Variants in CNTN4 observed in about 807,000 individuals in gnomAD.
The protein encoded by CNTN4 is contactin 4.
Under a neutral mutation model 122.5 loss-of-function variants are expected in CNTN4, and 77 were observed. The ratio of observed to expected loss-of-function variants is 0.63; its 90% CI spans 0.52 to 0.76. CNTN4 has a LOEUF of 0.76. Ranked by LOEUF, CNTN4 falls within the 30% of genes least tolerant of loss-of-function variation. The probability of loss-of-function intolerance (pLI) is 0.00; values close to 1 mark genes in which losing one functional copy is unlikely to be tolerated. For synonymous variants in CNTN4, 512 were observed against 447.0 expected, an observed-to-expected ratio of 1.15 and a Z score of -1.83; for missense variants, 1,256 against 1,259.1, an observed-to-expected ratio of 1.00 and a Z score of 0.04.
rs548571010 is a variant in CNTN4 at position 2,573,056 on chromosome 3, A to G, written c.55+1498A>G. ...ATGACTGAAGCATCAGGAAGTTAAGAAACTCACCCAAATTCACAAAGCCAG... is the reference window on the plus strand; with the variant it reads ...ATGACTGAAGCATCAGGAAGTTAAGGAACTCACCCAAATTCACAAAGCCAG... On this transcript the variant is annotated intron_variant, in intron 4 of 24. Coordinates refer to ENST00000418658, the MANE Select transcript of CNTN4 (RefSeq NM_175607.3). Among the ~76,000 whole-genome samples the G allele has an allele frequency of 1.4e-3, 206 of 152,290 alleles. 1 individual carries two copies. The highest frequency in any genetic ancestry group is 4.6e-3 in the African/African-American group (193 of 41,548).
chr3:2,525,533 G>A (rs1322593411), intron 3 of CNTN4, among the ~76,000 whole-genome samples: 1 of 152,140 alleles, frequency 6.6e-6, no homozygotes, highest in Admixed American at 6.6e-5. Context: ...TACTTAAAAT[G>A]TAGGTTATTG....
chr3:3,003,684 CA>C (rs58290160), intron 14 of CNTN4, among the ~76,000 whole-genome samples: 20,605 of 76,528 alleles, frequency 0.27, 1,287 homozygotes, highest in Non-Finnish European at 0.37. Flanking sequence ...ATGGTTGCAC[CA>C]AAAAAAAAAA....
Position 2,552,280 on chromosome 3 carries a change from G to A in CNTN4, c.-88-19136G>A, listed in dbSNP as rs538832939. On this transcript the variant is annotated intron_variant, in intron 3 of 24. Transcript: ENST00000418658. The stretch of plus-strand genomic sequence containing the variant: ...TAGAAACCGACAGAAAAGCGTTTTA[G>A]GAATGCTGTAGATTAGGGAAAATTC... 7.5e-4 allele frequency among the ~76,000 whole-genome samples: 114 copies of A among 152,258 alleles called. 2 individuals carry two copies. Among genetic ancestry groups the A allele is most frequent in the African/African-American group, 2.5e-3 (105 of 41,558 alleles).
chr3:2,417,380 A>G (rs959962489), intron 3 of CNTN4, among the ~76,000 whole-genome samples: 3 of 152,202 alleles, frequency 2.0e-5, no homozygotes, highest in African/African-American at 7.2e-5. Flanking sequence ...CTGGTTTCAA[A>G]AACAGTAACC....
chr3:2,567,108 C>T (rs192855541), intron 3 of CNTN4, among the ~76,000 whole-genome samples: 1 of 130,918 alleles, frequency 7.6e-6, no homozygotes, highest in Non-Finnish European at 1.6e-5. Context: ...TTTTTTCAGA[C>T]GGAGTCTTGC....
chr3:2,614,423 A>C (rs17565216), intron 4 of CNTN4, among the ~76,000 whole-genome samples: 47,800 of 152,094 alleles, frequency 0.31, 8,245 homozygotes, highest in Middle Eastern at 0.48. Context: ...AAAAGTGACA[A>C]GGTAACATAC....
Position 2,769,813 on chromosome 3 carries a change from G to A in CNTN4, c.358+24116G>A, listed in dbSNP as rs145089570. On this transcript the variant is annotated intron_variant, in intron 6 of 24. Coordinates refer to ENST00000418658, the MANE Select transcript of CNTN4 (RefSeq NM_175607.3). ...GCACAGGCCCTTAGAAATCATCAGC[G>A]GAGCCAAGGGTCTACAACAAGCAGA... 1.7e-4 allele frequency among the ~76,000 whole-genome samples: 26 copies of A among 152,236 alleles called. No homozygotes were observed. In the East Asian group the frequency reaches 3.1e-3, roughly 18 times the overall value.
intron 2 of CNTN4, among the ~76,000 whole-genome samples, chr3:2,162,445 A>C (rs72622126): frequency 0.35 from 52,363 of 151,746 alleles, 9,614 homozygotes; most frequent in Admixed American, 0.45. Context: ...TGAGATCTTT[A>C]TTTCTCCCAG....
At chr3:2,852,678 T>C (rs1416305967) in intron 7 of CNTN4, among the ~76,000 whole-genome samples, 2 of 152,210 alleles carry the variant, frequency 1.3e-5, no homozygotes, top group Admixed American at 1.3e-4. Flanking sequence ...TAACTTTCCA[T>C]GCTCACAAAG....
chr3:2,946,704 C>CTTTTTTTTTTTTTTTTTTTTTTTTTTTTT (rs55883455), intron 13 of CNTN4, among the ~76,000 whole-genome samples: 1 of 119,388 alleles, frequency 8.4e-6, no homozygotes. Flanking sequence ...TTTTTTTTTT[C>CTTTTTTTTTTTTTTTTTTTTTTTTTTTTT]TTTTTTTTTT....
intron 13 of CNTN4, among the ~76,000 whole-genome samples, chr3:2,946,885 T>C (rs2094684833): frequency 6.6e-6 from 1 of 151,942 alleles, no homozygotes; most frequent in African/African-American, 2.4e-5. Context: ...TCTTAACGTT[T>C]TGTAGCAGTG....
At chr3:2,950,500 A>G (rs772217091) in intron 13 of CNTN4, among the ~76,000 whole-genome samples, 1 of 152,218 alleles carries the variant, frequency 6.6e-6, no homozygotes, top group Non-Finnish European at 1.5e-5. Flanking sequence ...GGTCCCTGTC[A>G]TAGTGACATC....
At chr3:2,448,229 C>G (rs763768189) in intron 3 of CNTN4, among the ~76,000 whole-genome samples, 1 of 152,178 alleles carries the variant, frequency 6.6e-6, no homozygotes, top group Non-Finnish European at 1.5e-5. Flanking sequence ...AAAGAGGTCA[C>G]AAGCCTGGGG....
chr3:2,487,522 A>G (rs998013948), intron 3 of CNTN4, among the ~76,000 whole-genome samples: 13 of 152,218 alleles, frequency 8.5e-5, no homozygotes, highest in Non-Finnish European at 1.6e-4. Flanking sequence ...GCCTTCAAAA[A>G]GCCCTAGTCA....
At chr3:2,466,638 A>G (rs2075507380) in intron 3 of CNTN4, among the ~76,000 whole-genome samples, 1 of 152,178 alleles carries the variant, frequency 6.6e-6, no homozygotes, top group East Asian at 1.9e-4. Context: ...ATTGGCTGTC[A>G]TAGCTGTAAC....
intron 3 of CNTN4, among the ~76,000 whole-genome samples, chr3:2,383,958 A>T (rs563255224): frequency 2.0e-5 from 3 of 152,330 alleles, no homozygotes; most frequent in Non-Finnish European, 2.9e-5. Flanking sequence ...GTATGTATAT[A>T]TCACAACCAT....
At chr3:2,658,431 A>G (rs1461461087) in intron 4 of CNTN4, among the ~76,000 whole-genome samples, 1 of 152,180 alleles carries the variant, frequency 6.6e-6, no homozygotes, top group African/African-American at 2.4e-5. Flanking sequence ...CTTACATCAC[A>G]TGACTATGAA....
At chr3:2,247,365 T>G (rs964642185) in intron 2 of CNTN4, among the ~76,000 whole-genome samples, 2 of 152,028 alleles carry the variant, frequency 1.3e-5, no homozygotes, top group Admixed American at 1.3e-4. Context: ...TTGGTTGGTG[T>G]TGTAAGGAGA....
intron 2 of CNTN4, among the ~76,000 whole-genome samples, chr3:2,169,578 T>C (rs1330004227): frequency 6.6e-6 from 1 of 151,958 alleles, no homozygotes; most frequent in Non-Finnish European, 1.5e-5. Context: ...GCTGATTTTT[T>C]TGTAGAGACG....
Sources: allele counts gnomAD v4.1 joint callset (sites outside exome capture counted in the v4.1 genomes callset), GRCh38; gene constraint gnomAD v4.1.1; transcripts MANE v1.5; gene names NCBI Gene and HGNC (gene_info 2026-07-23, HGNC 2026-07-21).